The following NUBPL variants were observed in gnomAD, a reference collection of about 807,000 sequenced individuals.
The protein encoded by NUBPL is NUBP iron-sulfur cluster assembly factor, mitochondrial.
NUBPL carries 31 observed loss-of-function variants against 45.7 expected under a neutral mutation model. The observed-to-expected ratio is 0.68, with a 90% CI of 0.51 to 0.92. The LOEUF (loss-of-function observed/expected upper bound fraction) is 0.92. NUBPL is among the 40% of genes least tolerant of loss of function. The pLI, the probability that NUBPL is intolerant of heterozygous loss-of-function variation, is 0.00. For missense variants in NUBPL, 401 were observed against 398.7 expected (o/e 1.01, Z -0.05); for synonymous variants, 144 against 140.9 (o/e 1.02, Z -0.15).
intron 6 of NUBPL, among the ~76,000 whole-genome samples, chr14:31,746,339 C>T (rs1269823905): frequency 6.6e-6 from 1 of 151,904 alleles, no homozygotes; most frequent in Non-Finnish European, 1.5e-5. Context: ...CATTTATTGC[C>T]TTTATCGTGT....
intron 6 of NUBPL, among the ~76,000 whole-genome samples, chr14:31,770,510 G>A (rs746182883): frequency 6.6e-6 from 1 of 152,126 alleles, no homozygotes; most frequent in Non-Finnish European, 1.5e-5. Context: ...TCAATCTTAG[G>A]TTCTACAATA....
intron 4 of NUBPL, among the ~76,000 whole-genome samples, chr14:31,610,608 CAAAAAAAAAAA>C (rs775656176): frequency 1.1e-5 from 1 of 94,708 alleles, no homozygotes; most frequent in African/African-American, 4.4e-5. Context: ...AAAGATACAT[CAAAAAAAAAAA>C]AAAAAAAAAA....
intron 6 of NUBPL, among the ~76,000 whole-genome samples, chr14:31,718,833 G>A (rs1013660045): frequency 2.0e-5 from 3 of 152,294 alleles, no homozygotes; most frequent in South Asian, 2.1e-4. Context: ...TCTTCAGCAC[G>A]TAGTGTCTGC....
intron 8 of NUBPL, among the ~76,000 whole-genome samples, chr14:31,837,776 C>CA (rs968959999): frequency 7.9e-5 from 12 of 151,788 alleles, no homozygotes; most frequent in Non-Finnish European, 1.3e-4. Flanking sequence ...ATACAAATGA[C>CA]AAAAAAATGT....
intron 4 of NUBPL, among the ~76,000 whole-genome samples, chr14:31,645,458 T>A (rs1002746571): frequency 6.6e-6 from 1 of 152,158 alleles, no homozygotes; most frequent in Non-Finnish European, 1.5e-5. Flanking sequence ...TTGAGTCCAT[T>A]TACATTCAGT....
intron 6 of NUBPL, among the ~76,000 whole-genome samples, chr14:31,729,671 A>G (rs1377619872): frequency 6.6e-6 from 1 of 152,020 alleles, no homozygotes; most frequent in African/African-American, 2.4e-5. Context: ...GTATTCAGCC[A>G]TCTTAACACT....
intron 4 of NUBPL, among the ~76,000 whole-genome samples, chr14:31,646,953 T>TCAAAACAA (rs2035871786): frequency 6.6e-6 from 1 of 152,194 alleles, no homozygotes; most frequent in Non-Finnish European, 1.5e-5. Context: ...TTGAGCTTAC[T>TCAAAACAA]GATTCTTTCC....
rs140838243 is a variant in NUBPL at position 31,647,348 on chromosome 14, T to C, written c.383-26007T>C. On this transcript the variant is annotated intron_variant, in intron 4 of 10. Coordinates refer to ENST00000281081, the MANE Select transcript of NUBPL (RefSeq NM_025152.3). ...GGCTTGCTTTGGTTTTTATTGGATA[T>C]GTTTCTTTAGAGTTTGTATTTTTGA... Among the ~76,000 whole-genome samples, 108 of 152,350 alleles carry C rather than the reference T, an allele frequency of 7.1e-4. No individual in the cohort carries two copies. The East Asian group carries it at 0.019, about 27-fold the overall frequency.
At chr14:31,742,237 TACACACACACACACACACAC>T (rs3035713) in intron 6 of NUBPL, among the ~76,000 whole-genome samples, 7 of 141,460 alleles carry the variant, frequency 4.9e-5, no homozygotes, top group African/African-American at 1.0e-4. Context: ...AACTATTGTG[TACACACACACACACACACAC>T]ACACACACAC....
intron 4 of NUBPL, among the ~76,000 whole-genome samples, chr14:31,641,182 C>A (rs1438982977): frequency 6.6e-6 from 1 of 152,104 alleles, no homozygotes; most frequent in Non-Finnish European, 1.5e-5. Flanking sequence ...GATCTCTTGA[C>A]CTTGTGATCC....
At chr14:31,721,591 A>G (rs2037809155) in intron 6 of NUBPL, among the ~76,000 whole-genome samples, 1 of 150,968 alleles carries the variant, frequency 6.6e-6, no homozygotes, top group Non-Finnish European at 1.5e-5. Context: ...ACTCTATTAC[A>G]CCTCAGGTGC....
At chr14:31,628,883 A>G (rs1000664008) in intron 4 of NUBPL, among the ~76,000 whole-genome samples, 1 of 152,174 alleles carries the variant, frequency 6.6e-6, no homozygotes, top group Admixed American at 6.5e-5. Flanking sequence ...AGTGAAACTG[A>G]CCTTTAATTT....
chr14:31,650,291 T>C (rs35923100), intron 4 of NUBPL, among the ~76,000 whole-genome samples: 584 of 30,668 alleles, frequency 0.019, 2 homozygotes, highest in Non-Finnish European at 0.051. Context: ...TTCTTTCTTT[T>C]TTTTTTTTTT....
intron 6 of NUBPL, among the ~76,000 whole-genome samples, chr14:31,713,198 C>G (rs1294025944): frequency 1.3e-5 from 2 of 152,170 alleles, no homozygotes; most frequent in African/African-American, 4.8e-5. Flanking sequence ...GTTTCACTAG[C>G]CTTTTTAGTT....
intron 6 of NUBPL, among the ~76,000 whole-genome samples, chr14:31,719,771 G>A (rs971826847): frequency 1.3e-5 from 2 of 152,026 alleles, no homozygotes; most frequent in African/African-American, 4.8e-5. Context: ...ATCAAAGTAA[G>A]CCACTATTAA....
At chr14:31,707,427 C>T (rs1008169613) in intron 6 of NUBPL, among the ~76,000 whole-genome samples, 2 of 152,198 alleles carry the variant, frequency 1.3e-5, no homozygotes, top group African/African-American at 4.8e-5. Flanking sequence ...TCCTTTGTCT[C>T]TCTCTTTCTC....
chr14:31,718,785 A>G (rs2037743658), intron 6 of NUBPL, among the ~76,000 whole-genome samples: 1 of 152,210 alleles, frequency 6.6e-6, no homozygotes, highest in Admixed American at 6.5e-5. Flanking sequence ...AGGGACTGGC[A>G]TGTACATATA....
intron 2 of NUBPL, among the ~76,000 whole-genome samples, chr14:31,564,060 T>A (rs2033369907): frequency 6.6e-6 from 1 of 152,242 alleles, no homozygotes; most frequent in African/African-American, 2.4e-5. Context: ...TTTATGCTCT[T>A]AACTAGTTTT....
chr14:31,727,709 T>G (rs1367169176), intron 6 of NUBPL, among the ~76,000 whole-genome samples: 1 of 152,230 alleles, frequency 6.6e-6, no homozygotes, highest in East Asian at 1.9e-4. Flanking sequence ...CTCCCCTTCC[T>G]AGTATTTACA....
Sources: allele counts gnomAD v4.1 joint callset (sites outside exome capture counted in the v4.1 genomes callset), GRCh38; gene constraint gnomAD v4.1.1; transcripts MANE v1.5; gene names NCBI Gene and HGNC (gene_info 2026-07-23, HGNC 2026-07-21).